The following HACL1 variants were observed in gnomAD, a reference collection of about 807,000 sequenced individuals.
HACL1 encodes the protein 2-hydroxyacyl-CoA lyase 1.
Under a neutral mutation model 74.2 loss-of-function variants are expected in HACL1, and 64 were observed. The ratio of observed to expected loss-of-function variants is 0.86; its 90% CI spans 0.70 to 1.06. HACL1 has a LOEUF of 1.06. Among genes scored for constraint, HACL1 ranks in the 50% least tolerant of loss-of-function variants. The pLI, the probability that HACL1 is intolerant of heterozygous loss-of-function variation, is 0.00. For missense variants in HACL1, 728 were observed against 719.7 expected (o/e 1.01, Z -0.13); for synonymous variants, 230 against 238.8 (o/e 0.96, Z 0.34).
In HACL1 at chr3:15,564,612, A is replaced by G. The variant is rs1240378711; in HGVS notation, c.1456T>C (p.Tyr486His). ...CAAGTATCTGTATCAAAACCTTGGT[A>G]AATTCCATTGTTATTCACTACCAAC... The part of the protein sequence containing the change: ...ILLVVNNNGI[Y>H]QGFDTDTWKE... Residue 486 changes from tyrosine to histidine, a missense_variant, in exon 15 of 17, where the codon TAC becomes CAC. Coordinates refer to ENST00000321169, the MANE Select transcript of HACL1 (RefSeq NM_012260.4). The G allele has an allele frequency of 4.4e-6, 7 of 1,579,556 alleles. No homozygotes were observed. The highest frequency in any genetic ancestry group is 6.1e-6 in the Non-Finnish European group (7 of 1,150,968).
At chr3:15,563,286 G>C (rs1439330106) in intron 16 of HACL1, 72 bp downstream of exon 16, 2 of 992,762 alleles carry the variant, frequency 2.0e-6, no homozygotes, top group East Asian at 2.4e-5. Flanking sequence ...TGTTCTGTTT[G>C]GTAGATACTT....
intron 14 of HACL1, 77 bp downstream of exon 14, chr3:15,567,767 T>C: frequency 7.5e-7 from 1 of 1,331,228 alleles, no homozygotes; most frequent in Non-Finnish European, 1.1e-6. Flanking sequence ...CATAAGTATT[T>C]GTCAGGTGAC....
At chr3:15,591,462 C>A in intron 4 of HACL1, 138 bp downstream of exon 4, 2 of 529,364 alleles carry the variant, frequency 3.8e-6, no homozygotes, top group South Asian at 4.9e-5. Flanking sequence ...CGGTAACTAA[C>A]TCTACTTTCA....
Position 15,597,526 on chromosome 3 carries a change from C to A in HACL1, c.187-1102G>T, listed in dbSNP as rs970713835. Among the ~76,000 whole-genome samples, 8 of 151,674 alleles carry A rather than the reference C, an allele frequency of 5.3e-5. No individual in the cohort carries two copies. In the South Asian group the frequency reaches 1.7e-3, roughly 32 times the overall value. On this transcript the variant is annotated intron_variant, in intron 2 of 16. Coordinates refer to ENST00000321169, the MANE Select transcript of HACL1 (RefSeq NM_012260.4). The stretch of plus-strand genomic sequence containing the variant: ...TTTTTTTCCCAGTATTATTTCTTCT[C>A]ATTTCTTTAGAAATAATAATGAATT...
At position 15,592,078 on chromosome 3, in the gene HACL1, ACG is replaced by A. The variant is rs1423700299; in HGVS notation, c.228-400_228-399del. ...TACGTATATATACGTATATACGTAT[ACG>A]TATATATACACACACTATATACGTA... On this transcript the variant is annotated intron_variant, in intron 3 of 16. Transcript: ENST00000321169. Among the ~76,000 whole-genome samples, 25 of 139,346 alleles carry A rather than the reference ACG, an allele frequency of 1.8e-4. 1 individual carries two copies. Among genetic ancestry groups the A allele is most frequent in the Non-Finnish European group, 2.4e-4 (16 of 65,496 alleles). 91.4% of individuals were successfully genotyped at this position (139,346 alleles called of 152,430 possible).
At chr3:15,594,856 A>G (rs887531100) in intron 3 of HACL1, among the ~76,000 whole-genome samples, 2 of 152,254 alleles carry the variant, frequency 1.3e-5, no homozygotes, top group Non-Finnish European at 2.9e-5. Flanking sequence ...TCGGCCGGGC[A>G]TGGTGGCTCA....
intron 4 of HACL1, among the ~76,000 whole-genome samples, chr3:15,591,286 G>A (rs777996845): frequency 2.0e-5 from 3 of 151,388 alleles, no homozygotes; most frequent in South Asian, 2.1e-4. Flanking sequence ...ACTTTTTTTG[G>A]TAAAAGTACC....
rs141479215 is a variant in HACL1 at position 15,560,857 on chromosome 3, G to A, written c.*8C>T. On this transcript the variant is annotated 3_prime_UTR_variant, in exon 17 of 17. Transcript: ENST00000321169. ...AGAAAACTCAAGACCACCAACTGGC[G>A]TCTTTATTTACATATTAGAGCGGGT... 3,515 of 1,593,954 alleles carry A rather than the reference G, an allele frequency of 2.2e-3. 7 individuals are homozygous for A. Among genetic ancestry groups the A allele is most frequent in the Non-Finnish European group, 2.6e-3 (2,982 of 1,165,084 alleles).
At chr3:15,563,296 T>C in intron 16 of HACL1, 62 bp downstream of exon 16, 11 of 1,127,032 alleles carry the variant, frequency 9.8e-6, no homozygotes, top group Non-Finnish European at 1.5e-5. Flanking sequence ...GGTAGATACT[T>C]TTTGGAGGGG....
chr3:15,591,526 G>T, intron 4 of HACL1, 74 bp downstream of exon 4: 1 of 833,002 alleles, frequency 1.2e-6, no homozygotes, highest in Non-Finnish European at 2.0e-6. Context: ...CCCTAGATCA[G>T]CATTAGCTCT....
rs528398196 is a variant in HACL1, at chr3:15,593,650, A to G, written c.228-1970T>C. ...TCAAGTTAATGGTATACAGAAGCAA[A>G]TTTTTGACTGCTGAGTTCATTTTTG... is the stretch of plus-strand genomic sequence containing the variant. On this transcript the variant is annotated intron_variant, in intron 3 of 16. Transcript: ENST00000321169. Among the ~76,000 whole-genome samples, 20 of 152,138 alleles carry G rather than the reference A, an allele frequency of 1.3e-4. No individual in the cohort carries two copies. The South Asian group carries it at 2.7e-3, about 21-fold the overall frequency.
rs772737377 is a variant in HACL1, at chr3:15,568,568, A to AT, written c.1113dup (p.Ser372IlefsTer19). The AT allele has an allele frequency of 1.2e-5, 18 of 1,546,484 alleles. 1 individual carries two copies. In the South Asian group the frequency reaches 1.7e-4, roughly 14 times the overall value. ...ACTGTGTAATAATTCATAGGCAGGG[A>AT]TTTTTTAGAAGCTAGTTCCTGAAAA... On this transcript the variant is annotated frameshift_variant, in exon 13 of 17. Coordinates refer to ENST00000321169, the MANE Select transcript of HACL1 (RefSeq NM_012260.4). LOFTEE classifies it high-confidence loss of function.
chr3:15,587,191 C>A (rs1194725534), intron 5 of HACL1, among the ~76,000 whole-genome samples: 1 of 148,438 alleles, frequency 6.7e-6, no homozygotes, highest in Non-Finnish European at 1.5e-5. Context: ...GATAGTCCCA[C>A]AGGCATGACA....
chr3:15,600,050 C>T (rs2064162163), intron 2 of HACL1, among the ~76,000 whole-genome samples: 3 of 151,292 alleles, frequency 2.0e-5, no homozygotes, highest in African/African-American at 7.4e-5. Context: ...TTAAAAAATA[C>T]AAATCTCAAA....
chr3:15,590,408 G>C (rs900880496), intron 4 of HACL1, among the ~76,000 whole-genome samples: 2 of 151,540 alleles, frequency 1.3e-5, no homozygotes, highest in African/African-American at 4.8e-5. Context: ...AGAAGAGAAA[G>C]ATCAAAAGGA....
chr3:15,560,782 A>G lies in HACL1; in HGVS notation c.*83T>C, dbSNP rs1281632171. 1.1e-6 allele frequency: 1 copy of G among 882,412 alleles called. No individual in the cohort carries two copies. The highest frequency in any genetic ancestry group is 1.9e-6 in the Non-Finnish European group (1 of 529,582). The allele number at this position is 882,412 out of a possible 1,614,324, so 54.7% of individuals were successfully genotyped here. A position where few individuals can be genotyped will look rare whatever the true frequency, so the allele number is the denominator to read the frequency against. ...GTTTATTTTATTTTGCACAATTTTA[A>G]CAGTAGAGTAATTTTGCTGTGGAAA... On this transcript the variant is annotated 3_prime_UTR_variant, in exon 17 of 17. Transcript: ENST00000321169.
At chr3:15,590,788 G>C (rs1480784567) in intron 4 of HACL1, among the ~76,000 whole-genome samples, 3 of 152,150 alleles carry the variant, frequency 2.0e-5, no homozygotes, top group Admixed American at 2.0e-4. Flanking sequence ...AATGTTAAAA[G>C]TGTTTATGGC....
rs760159885 is a variant in HACL1, at chr3:15,563,363, C to T, written c.1699G>A (p.Ala567Thr). ...TGCTTAGCAACTGTATTTACCTGGG[C>T]CTTCCGTGTGGCTTGTGGCTCAATC... ...IMIEPQATRK[A>T]QDFHWLTRSN... Residue 567 changes from alanine (A) to threonine (T), a missense_variant, in exon 16 of 17, where the codon GCC becomes ACC. Physicochemically the swap from Ala to Thr is moderately conservative, Grantham distance 58. Transcript: ENST00000321169. The T allele has an allele frequency of 3.1e-6, 5 of 1,610,446 alleles. No homozygotes were observed. Among genetic ancestry groups the T allele is most frequent in the Non-Finnish European group, 4.2e-6 (5 of 1,177,206 alleles).
chr3:15,582,725 C>G (rs1238577148), intron 8 of HACL1, 152 bp downstream of exon 8: 2 of 506,620 alleles, frequency 3.9e-6, no homozygotes, highest in Admixed American at 3.8e-5. Context: ...AAGAATAAGT[C>G]TGTAATTTCA....
Sources: gnomAD v4.1 joint callset for allele counts (sites outside exome capture counted in the v4.1 genomes callset) on GRCh38, gnomAD v4.1.1 for gene constraint, MANE v1.5 for transcripts, NCBI Gene and HGNC (gene_info 2026-07-23, HGNC 2026-07-21) for gene names.